TBL1XR1: variants seen among roughly 807,000 people sequenced by gnomAD.
The protein encoded by TBL1XR1 is F-box-like/WD repeat-containing protein TBL1XR1.
A neutral mutation model predicts 66.9 loss-of-function variants in TBL1XR1; 5 were observed. That is an observed-to-expected ratio of 0.07 (90% CI 0.04 to 0.16). The LOEUF is 0.16. Among genes scored for constraint, TBL1XR1 ranks in the 10% least tolerant of loss-of-function variants. The probability of loss-of-function intolerance (pLI) is 1.00; values close to 1 mark genes in which losing one functional copy is unlikely to be tolerated. For synonymous variants in TBL1XR1, 210 were observed against 206.0 expected (o/e 1.02, Z -0.17); for missense variants, 238 against 623.2 (o/e 0.38, Z 6.58).
chr3:177,189,182 T>C (rs1480576615), intron 1 of TBL1XR1, among the ~76,000 whole-genome samples: 1 of 150,678 alleles, frequency 6.6e-6, no homozygotes, highest in East Asian at 2.0e-4. Context: ...CACTCCAGCT[T>C]AGGCAACAGA....
chr3:177,081,407 A>G (rs953881781), intron 2 of TBL1XR1, among the ~76,000 whole-genome samples: 7 of 152,320 alleles, frequency 4.6e-5, no homozygotes, highest in Admixed American at 2.6e-4. Flanking sequence ...AATTTTATCC[A>G]TCTATCTTAC....
intron 1 of TBL1XR1, among the ~76,000 whole-genome samples, chr3:177,173,895 A>G (rs1419192077): frequency 6.6e-6 from 1 of 152,222 alleles, no homozygotes; most frequent in Non-Finnish European, 1.5e-5. Flanking sequence ...ATAATCAGTT[A>G]TACATTTAAT....
intron 1 of TBL1XR1, among the ~76,000 whole-genome samples, chr3:177,183,824 G>A (rs1371086712): frequency 6.6e-6 from 1 of 151,872 alleles, no homozygotes; most frequent in Admixed American, 6.6e-5. Context: ...CTAATCGGCC[G>A]GGCATGGTGG....
chr3:177,190,315 T>C (rs1293492058), intron 1 of TBL1XR1, among the ~76,000 whole-genome samples: 1 of 152,038 alleles, frequency 6.6e-6, no homozygotes, highest in Non-Finnish European at 1.5e-5. Context: ...AACCATCCAT[T>C]TTCTTTTTTT....
chr3:177,089,383 A>C (rs6765384), intron 2 of TBL1XR1, among the ~76,000 whole-genome samples: 47,317 of 152,016 alleles, frequency 0.31, 7,789 homozygotes, highest in East Asian at 0.58. Context: ...CCTAACTCCC[A>C]GACTAAGGAA....
At chr3:177,198,993 C>T (rs1437388333), upstream of TBL1XR1, among the ~76,000 whole-genome samples, 1 of 152,104 alleles carries the variant, frequency 6.6e-6, no homozygotes, top group African/African-American at 2.4e-5. Context: ...AGGTCAATGT[C>T]TCTTTCCCCC....
At position 177,097,043 on chromosome 3, in the gene TBL1XR1, G is replaced by T. The variant is rs191097693; in HGVS notation, c.-46+1423C>A. 1.3e-5 allele frequency among the ~76,000 whole-genome samples: 2 copies of T among 152,168 alleles called. 1 individual carries two copies. Among genetic ancestry groups the T allele is most frequent in the Admixed American group, 1.3e-4 (2 of 15,276 alleles). The stretch of plus-strand genomic sequence containing the variant: ...AGGAATTCAGAAGAGTTTAAACAGA[G>T]AAAATCCTCCTATCAACATACTGAA... On this transcript the variant is annotated intron_variant, in intron 2 of 15. Coordinates refer to ENST00000457928, the MANE Select transcript of TBL1XR1 (RefSeq NM_024665.7).
At chr3:177,102,900 C>T (rs976041592) in intron 1 of TBL1XR1, among the ~76,000 whole-genome samples, 3 of 152,192 alleles carry the variant, frequency 2.0e-5, no homozygotes, top group African/African-American at 7.2e-5. Flanking sequence ...CCGCATAGTG[C>T]CTTATTCTTC....
At chr3:177,029,038 T>C (rs1184791404) in intron 14 of TBL1XR1, among the ~76,000 whole-genome samples, 1 of 148,970 alleles carries the variant, frequency 6.7e-6, no homozygotes, top group East Asian at 2.0e-4. Context: ...AAAAAATAAA[T>C]GTAAAGGAAT....
upstream of TBL1XR1, among the ~76,000 whole-genome samples, chr3:177,198,892 A>G (rs1185499297): frequency 6.6e-6 from 1 of 150,498 alleles, no homozygotes; most frequent in African/African-American, 2.4e-5. Context: ...ACACACACAC[A>G]CACACACACA....
chr3:177,186,283 A>C (rs1735394355), intron 1 of TBL1XR1, among the ~76,000 whole-genome samples: 1 of 152,208 alleles, frequency 6.6e-6, no homozygotes, highest in Admixed American at 6.5e-5. Context: ...CTAGGGGAAA[A>C]ATCTTAAGCA....
At chr3:177,156,688 T>C (rs1052020284) in intron 1 of TBL1XR1, among the ~76,000 whole-genome samples, 7 of 151,936 alleles carry the variant, frequency 4.6e-5, no homozygotes, top group African/African-American at 1.7e-4. Flanking sequence ...AGCAAAATAT[T>C]TGAACAGTTC....
rs1712414636 is a variant in TBL1XR1, at chr3:177,021,816, T to C, written c.*3682A>G. ...CTGTCAACAGTAGTAATTCACCATA[T>C]GCAAGTACCATCCTTATCATGCGAG... On this transcript the variant is annotated 3_prime_UTR_variant, in exon 16 of 16. Coordinates refer to ENST00000457928, the MANE Select transcript of TBL1XR1 (RefSeq NM_024665.7). 6.6e-6 allele frequency: 1 copy of C among 152,610 alleles called. No homozygotes were observed. Among genetic ancestry groups the C allele is most frequent in the Admixed American group, 6.5e-5 (1 of 15,276 alleles). The allele number at this position is 152,610 out of a possible 1,614,324, so 9.5% of individuals were successfully genotyped here. A position where few individuals can be genotyped will look rare whatever the true frequency, so the allele number is the denominator to read the frequency against.
chr3:177,093,359 T>C (rs1723067772), intron 2 of TBL1XR1, among the ~76,000 whole-genome samples: 1 of 152,218 alleles, frequency 6.6e-6, no homozygotes, highest in South Asian at 2.1e-4. Flanking sequence ...CCTGTGTTCA[T>C]GGATGGGTAG....
intron 3 of TBL1XR1, among the ~76,000 whole-genome samples, chr3:177,058,563 T>C (rs535180870): frequency 6.6e-6 from 1 of 152,372 alleles, no homozygotes; most frequent in African/African-American, 2.4e-5. Flanking sequence ...TTTAAAAGAA[T>C]ATTACCTCAA....
chr3:177,098,078 G>T (rs144171461), intron 2 of TBL1XR1, among the ~76,000 whole-genome samples: 127 of 152,034 alleles, frequency 8.4e-4, no homozygotes, highest in African/African-American at 3.0e-3. Flanking sequence ...GCGTGGTGGC[G>T]CATGCCTGTA....
intron 13 of TBL1XR1, among the ~76,000 whole-genome samples, chr3:177,033,581 G>T (rs533430967): frequency 6.6e-6 from 1 of 151,408 alleles, no homozygotes; most frequent in Non-Finnish European, 1.5e-5. Flanking sequence ...TCAGTATTTG[G>T]TATCAGTCAA....
At position 177,119,828 on chromosome 3, in the gene TBL1XR1, C is replaced by A. The variant is rs115952984; in HGVS notation, c.-121-21287G>T. On this transcript the variant is annotated intron_variant, in intron 1 of 15. Coordinates refer to ENST00000457928, the MANE Select transcript of TBL1XR1 (RefSeq NM_024665.7). ...CTGTGTATTGAATTAGTGCTCTATA[C>A]CAACCTCACCCATTTTCTACATGGT... Among the ~76,000 whole-genome samples, 777 of 152,310 alleles carry A rather than the reference C, an allele frequency of 5.1e-3. 4 individuals carry two copies. The highest frequency in any genetic ancestry group is 0.018 in the African/African-American group (747 of 41,572).
intron 2 of TBL1XR1, among the ~76,000 whole-genome samples, chr3:177,069,087 T>C (rs188954251): frequency 3.5e-4 from 54 of 152,258 alleles, no homozygotes; most frequent in South Asian, 2.7e-3. Flanking sequence ...TGATGCAAAT[T>C]TTCTGGGTCT....
Sources: gnomAD v4.1 joint callset for allele counts (sites outside exome capture counted in the v4.1 genomes callset) on GRCh38, gnomAD v4.1.1 for gene constraint, MANE v1.5 for transcripts, NCBI Gene and HGNC (gene_info 2026-07-23, HGNC 2026-07-21) for gene names.